TACR3: variants seen among roughly 807,000 people sequenced by gnomAD.
TACR3 encodes the protein tachykinin receptor 3.
A neutral mutation model predicts 35.0 loss-of-function variants in TACR3; 34 were observed. The ratio of observed to expected loss-of-function variants is 0.97; its 90% confidence interval spans 0.74 to 1.30. The LOEUF is 1.30. Ranked by LOEUF, TACR3 falls within the 50% of genes most tolerant of loss-of-function variation. The pLI is 0.00. For synonymous variants in TACR3, 233 were observed against 221.1 expected (o/e 1.05, Z -0.48); for missense variants, 558 against 591.7 (o/e 0.94, Z 0.59).
At chr4:103,621,992 AT>A (rs1724792536) in intron 3 of TACR3, among the ~76,000 whole-genome samples, 1 of 152,252 alleles carries the variant, frequency 6.6e-6, no homozygotes, top group Non-Finnish European at 1.5e-5. Flanking sequence ...AAAGAGTAGC[AT>A]TTAAGTGGTT....
intron 3 of TACR3, among the ~76,000 whole-genome samples, chr4:103,601,529 G>T (rs1353550902): frequency 1.3e-5 from 2 of 152,154 alleles, no homozygotes; most frequent in Non-Finnish European, 2.9e-5. Context: ...GGTACTGGTT[G>T]TTCCTTTCCA....
At chr4:103,718,122 TA>T (rs1318123996) in intron 1 of TACR3, among the ~76,000 whole-genome samples, 2 of 152,076 alleles carry the variant, frequency 1.3e-5, no homozygotes, top group Non-Finnish European at 2.9e-5. Context: ...CTTATTTTTT[TA>T]TTATAATGGC....
intron 3 of TACR3, among the ~76,000 whole-genome samples, chr4:103,598,200 C>T (rs1162958419): frequency 1.3e-5 from 2 of 152,136 alleles, no homozygotes; most frequent in Non-Finnish European, 2.9e-5. Context: ...TCTCTGATGG[C>T]CAGTGATGGT....
At chr4:103,614,476 G>A (rs2110299210) in intron 3 of TACR3, among the ~76,000 whole-genome samples, 1 of 152,256 alleles carries the variant, frequency 6.6e-6, no homozygotes, top group South Asian at 2.1e-4. Flanking sequence ...AGTGGTATAT[G>A]TTTAAGCTCA....
At chr4:103,698,007 A>AAAGAT (rs1176439062) in intron 1 of TACR3, among the ~76,000 whole-genome samples, 1 of 152,176 alleles carries the variant, frequency 6.6e-6, no homozygotes, top group African/African-American at 2.4e-5. Context: ...TGTTATTTTA[A>AAAGAT]AAGATAATAT....
At chr4:103,607,628 C>G (rs1466960576) in intron 3 of TACR3, among the ~76,000 whole-genome samples, 1 of 151,946 alleles carries the variant, frequency 6.6e-6, no homozygotes, top group Admixed American at 6.6e-5. Flanking sequence ...TGTACTTAAT[C>G]TATTGTATAC....
intron 1 of TACR3, among the ~76,000 whole-genome samples, chr4:103,666,835 C>T (rs1236854713): frequency 6.6e-6 from 1 of 152,146 alleles, no homozygotes; most frequent in Non-Finnish European, 1.5e-5. Flanking sequence ...AATTCTAAAT[C>T]ACTCTTTTGA....
At position 103,719,514 on chromosome 4, in the gene TACR3, G is replaced by C. The variant is rs202102475; in HGVS notation, c.162C>G (p.Ser54=). The change falls in exon 1 of 5, where the codon TCC becomes TCG. Residue 54 remains serine (S), a synonymous_variant. Transcript: ENST00000304883. The part of the protein sequence containing the change: ...LLDQAGNLSS[S]PSALGLPVAS... ...CCACAGGCAGTCCCAGCGCGGAAGG[G>C]GAGGAGGAGAGGTTGCCAGCTTGGT... 1.9e-6 allele frequency: 3 copies of C among 1,609,940 alleles called. No homozygotes were observed. The African/African-American group carries it at 4.0e-5, about 22-fold the overall frequency.
Position 103,587,541 on chromosome 4 carries a change from T to C in TACR3, c.*2141A>G, listed in dbSNP as rs1723793280. 1 of 152,224 alleles carries C rather than the reference T, an allele frequency of 6.6e-6. No homozygotes were observed. Among genetic ancestry groups the C allele is most frequent in the South Asian group, 2.1e-4 (1 of 4,832 alleles). 9.4% of individuals were successfully genotyped at this position (152,224 alleles called of 1,614,324 possible). ...AGAAAATTCTACTGAATTTCTCTAA[T>C]ATGTGAGGGCCAGGAGTTATATTTT... On this transcript the variant is annotated 3_prime_UTR_variant, in exon 5 of 5. Transcript: ENST00000304883.
intron 1 of TACR3, among the ~76,000 whole-genome samples, chr4:103,684,950 C>T (rs1022744782): frequency 6.6e-6 from 1 of 151,538 alleles, no homozygotes; most frequent in African/African-American, 2.4e-5. Context: ...CACCACTGTA[C>T]TCCAGCCTGG....
At chr4:103,654,626 A>G (rs918176718) in intron 3 of TACR3, among the ~76,000 whole-genome samples, 10 of 151,010 alleles carry the variant, frequency 6.6e-5, no homozygotes, top group African/African-American at 2.4e-4. Flanking sequence ...CAGCACACCA[A>G]CGTGGCACAT....
chr4:103,645,908 C>T (rs1032217396), intron 3 of TACR3, among the ~76,000 whole-genome samples: 12 of 151,908 alleles, frequency 7.9e-5, no homozygotes, highest in African/African-American at 1.9e-4. Context: ...AGGGCAAGAA[C>T]TGGAATACAA....
At chr4:103,628,866 T>G (rs1724978087) in intron 3 of TACR3, among the ~76,000 whole-genome samples, 1 of 152,128 alleles carries the variant, frequency 6.6e-6, no homozygotes, top group African/African-American at 2.4e-5. Context: ...ATATCCCTGA[T>G]GAACATCAAT....
At chr4:103,622,245 G>A (rs1221637555) in intron 3 of TACR3, among the ~76,000 whole-genome samples, 1 of 152,196 alleles carries the variant, frequency 6.6e-6, no homozygotes, top group African/African-American at 2.4e-5. Context: ...TTAATCAAAG[G>A]TGTAAAAGAT....
At position 103,656,218 on chromosome 4, in the gene TACR3, A is replaced by G. The variant is rs1272025929; in HGVS notation, c.864T>C (p.His288=). The change falls in exon 3 of 5, where the codon CAT becomes CAC. Residue 288 remains histidine (H), a synonymous_variant. Coordinates refer to ENST00000304883, the MANE Select transcript of TACR3 (RefSeq NM_001059.3). ...CCTTTCTTTTGGCCTTTAGCTGCTC[A>G]TGATACTTGTCACAGGTATCTCCTG... ...EIPGDTCDKY[H]EQLKAKRKVV... is the part of the protein sequence containing the mutation. 1.2e-6 allele frequency: 2 copies of G among 1,612,904 alleles called. No individual in the cohort carries two copies. The highest frequency in any genetic ancestry group is 1.1e-5 in the South Asian group (1 of 91,074).
chr4:103,687,157 C>G (rs1156360610), intron 1 of TACR3, among the ~76,000 whole-genome samples: 1 of 152,126 alleles, frequency 6.6e-6, no homozygotes, highest in South Asian at 2.1e-4. Flanking sequence ...ACATGATTAT[C>G]TCAATAGATG....
At chr4:103,700,514 G>A (rs748440335) in intron 1 of TACR3, among the ~76,000 whole-genome samples, 1 of 152,148 alleles carries the variant, frequency 6.6e-6, no homozygotes, top group African/African-American at 2.4e-5. Flanking sequence ...CAAACACTGT[G>A]CTAATTTATC....
intron 1 of TACR3, among the ~76,000 whole-genome samples, chr4:103,676,622 A>T (rs939961172): frequency 1.3e-5 from 2 of 152,196 alleles, no homozygotes; most frequent in Non-Finnish European, 2.9e-5. Context: ...TGGGGAAAGG[A>T]TTCTCTATTT....
chr4:103,634,828 A>G (rs1453008911), intron 3 of TACR3, among the ~76,000 whole-genome samples: 1 of 152,076 alleles, frequency 6.6e-6, no homozygotes, highest in Non-Finnish European at 1.5e-5. Flanking sequence ...AGGTTTTCAC[A>G]TTTATCCCTT....
Sources: gnomAD v4.1 joint callset for allele counts (sites outside exome capture counted in the v4.1 genomes callset) on GRCh38, gnomAD v4.1.1 for gene constraint, MANE v1.5 for transcripts, NCBI Gene and HGNC (gene_info 2026-07-23, HGNC 2026-07-21) for gene names.